The following POU2F1 variants were observed in gnomAD, a reference collection of about 807,000 sequenced individuals.
POU2F1 encodes the protein POU domain, class 2, transcription factor 1.
A neutral mutation model predicts 84.9 loss-of-function variants in POU2F1; 16 were observed. The observed-to-expected ratio is 0.19, with a 90% CI of 0.13 to 0.29. The LOEUF (loss-of-function observed/expected upper bound fraction) is 0.29. POU2F1 is among the 10% of genes least tolerant of loss of function. The pLI, the probability that POU2F1 is intolerant of heterozygous loss-of-function variation, is 1.00. For synonymous variants in POU2F1, 368 were observed against 368.3 expected (o/e 1.00, Z 0.01); for missense variants, 738 against 942.6 (o/e 0.78, Z 2.84).
At chr1:167,316,674 T>G (rs1655924245) in intron 1 of POU2F1, among the ~76,000 whole-genome samples, 1 of 152,224 alleles carries the variant, frequency 6.6e-6, no homozygotes, top group African/African-American at 2.4e-5. Context: ...TTGTTACCCT[T>G]GTGGTGTCAC....
intron 1 of POU2F1, among the ~76,000 whole-genome samples, chr1:167,225,901 ATGT>A (rs1377292548): frequency 3.3e-5 from 5 of 152,218 alleles, no homozygotes; most frequent in East Asian, 3.8e-4. Context: ...ATTAAAAATA[ATGT>A]TGTGTGACTC....
intron 5 of POU2F1, among the ~76,000 whole-genome samples, chr1:167,373,853 C>T (rs1370166574): frequency 6.7e-6 from 1 of 149,864 alleles, no homozygotes; most frequent in African/African-American, 2.5e-5. Flanking sequence ...TAGTTAATTA[C>T]TTTTTTGCCC....
chr1:167,299,695 G>GTTTTTTGTTTTT (rs1553204500), intron 1 of POU2F1, among the ~76,000 whole-genome samples: 1 of 139,346 alleles, frequency 7.2e-6, no homozygotes, highest in African/African-American at 2.8e-5. Flanking sequence ...GGAGACCAGA[G>GTTTTTTGTTTTT]TTTTTTTTTT....
rs1571481400 is a variant in POU2F1, at chr1:167,417,726, G to A, written c.*1916G>A. 3 of 152,168 alleles carry A rather than the reference G, an allele frequency of 2.0e-5. No individual in the cohort carries two copies. In the East Asian group the frequency reaches 5.8e-4, roughly 29 times the overall value. The allele number at this position is 152,168 out of a possible 1,614,324, so 9.4% of individuals were successfully genotyped here. ...CTTACAGGTGATTTTTATTCTGATT[G>A]CTTTTGTTTGTGTCCACAAGGGAGC... is the stretch of plus-strand genomic sequence containing the variant. On this transcript the variant is annotated 3_prime_UTR_variant, in exon 16 of 16. Transcript: ENST00000367866.
chr1:167,302,727 C>A (rs906467862), intron 1 of POU2F1, among the ~76,000 whole-genome samples: 1 of 152,138 alleles, frequency 6.6e-6, no homozygotes, highest in African/African-American at 2.4e-5. Context: ...ACATAGTTTT[C>A]ATTAATTAGC....
chr1:167,310,748 A>G (rs2102599346), intron 1 of POU2F1, among the ~76,000 whole-genome samples: 2 of 152,318 alleles, frequency 1.3e-5, no homozygotes, highest in South Asian at 4.1e-4. Flanking sequence ...TTATGGACAC[A>G]CTTGAAACAA....
At chr1:167,325,253 T>C (rs1192161852) in intron 1 of POU2F1, among the ~76,000 whole-genome samples, 1 of 152,132 alleles carries the variant, frequency 6.6e-6, no homozygotes, top group Non-Finnish European at 1.5e-5. Flanking sequence ...TGGTGTACTG[T>C]TGAGATTGGC....
chr1:167,263,819 T>A (rs1651750106), intron 1 of POU2F1, among the ~76,000 whole-genome samples: 1 of 152,186 alleles, frequency 6.6e-6, no homozygotes, highest in Non-Finnish European at 1.5e-5. Context: ...TCTCATTTAC[T>A]CTAGTTCTTG....
rs769123676 is a variant in POU2F1, at chr1:167,376,142, C to T, written c.705C>T (p.Pro235=). Residue 235 remains proline, a synonymous_variant, in exon 7 of 16, where the codon CCC becomes CCT. Transcript: ENST00000367866. ...QPAQFIISQT[P]QGQQGLLQAQ... is the part of the protein sequence containing the mutation. ...CGCAGTTTATCATCTCACAGACGCC[C>T]CAGGGCCAGCAGGGTGAGCTCCTCC... 2.5e-6 allele frequency: 4 copies of T among 1,614,196 alleles called. No homozygotes were observed. The South Asian group carries it at 4.4e-5, about 18-fold the overall frequency.
At chr1:167,359,772 G>A (rs191619036) in intron 2 of POU2F1, among the ~76,000 whole-genome samples, 2 of 149,702 alleles carry the variant, frequency 1.3e-5, no homozygotes, top group East Asian at 3.9e-4. Context: ...TTTCCACAGG[G>A]ACTGAACTAA....
chr1:167,332,337 G>A lies in POU2F1; in HGVS notation c.62-133G>A, dbSNP rs940898652. 68 of 597,374 alleles carry A rather than the reference G, an allele frequency of 1.1e-4. No homozygotes were observed. The African/African-American group carries it at 1.1e-3, about 10-fold the overall frequency. The allele number at this position is 597,374 out of a possible 1,614,324, so 37.0% of individuals were successfully genotyped here. A position where few individuals can be genotyped will look rare whatever the true frequency, so the allele number is the denominator to read the frequency against. ...AATTTCTAGTATTTTAGCCAGACAT[G>A]TATACACTGGGTCTTCTTAAACTAT... On this transcript the variant is annotated intron_variant, in intron 1 of 15. Coordinates refer to ENST00000367866, the MANE Select transcript of POU2F1 (RefSeq NM_002697.4).
chr1:167,386,621 A>G (rs1372319885), intron 8 of POU2F1, among the ~76,000 whole-genome samples: 1 of 152,250 alleles, frequency 6.6e-6, no homozygotes, highest in Non-Finnish European at 1.5e-5. Flanking sequence ...AACTGGAAAC[A>G]ACCTAAATAT....
chr1:167,256,679 T>C (rs1651167235), intron 1 of POU2F1, among the ~76,000 whole-genome samples: 1 of 152,172 alleles, frequency 6.6e-6, no homozygotes, highest in Non-Finnish European at 1.5e-5. Flanking sequence ...AGTTACGAAA[T>C]GATAGTCTTT....
chr1:167,333,485 A>G (rs956652107), intron 2 of POU2F1, among the ~76,000 whole-genome samples: 13 of 152,326 alleles, frequency 8.5e-5, no homozygotes, highest in African/African-American at 2.9e-4. Context: ...AACCATGGGC[A>G]ATGGTAAGAG....
At chr1:167,296,073 G>A (rs547506158) in intron 1 of POU2F1, among the ~76,000 whole-genome samples, 2 of 151,652 alleles carry the variant, frequency 1.3e-5, no homozygotes, top group South Asian at 4.2e-4. Flanking sequence ...GTTGGACAAA[G>A]AATTTTTACT....
chr1:167,281,798 T>C (rs1653161951), intron 1 of POU2F1, among the ~76,000 whole-genome samples: 5 of 152,232 alleles, frequency 3.3e-5, no homozygotes. Flanking sequence ...TAGAGACTTT[T>C]CCTTTTTGTT....
chr1:167,350,306 CTT>C (rs1349881624), intron 2 of POU2F1, among the ~76,000 whole-genome samples: 2 of 152,084 alleles, frequency 1.3e-5, no homozygotes, highest in Non-Finnish European at 2.9e-5. Context: ...GAGAATGAAT[CTT>C]TTTTGTTCTT....
chr1:167,267,742 T>C (rs747051832), intron 1 of POU2F1, among the ~76,000 whole-genome samples: 27 of 146,180 alleles, frequency 1.8e-4, no homozygotes, highest in Admixed American at 2.9e-4. Context: ...CCCAGGTTCA[T>C]GCCATTCTCC....
At chr1:167,364,372 T>A (rs1659533286) in intron 2 of POU2F1, among the ~76,000 whole-genome samples, 1 of 149,582 alleles carries the variant, frequency 6.7e-6, no homozygotes, top group Admixed American at 6.6e-5. Flanking sequence ...CTACTAAAAA[T>A]ACAAAAAATT....
Sources: allele counts gnomAD v4.1 joint callset (sites outside exome capture counted in the v4.1 genomes callset), GRCh38; gene constraint gnomAD v4.1.1; transcripts MANE v1.5; gene names NCBI Gene and HGNC (gene_info 2026-07-23, HGNC 2026-07-21).